TOP3A: variants seen among roughly 807,000 people sequenced by gnomAD.
TOP3A encodes DNA topoisomerase 3-alpha.
TOP3A carries 64 observed loss-of-function variants against 111.3 expected under a neutral mutation model. The observed-to-expected ratio is 0.57, with a 90% CI of 0.47 to 0.71. The LOEUF (loss-of-function observed/expected upper bound fraction) is 0.71. TOP3A is among the 30% of genes least tolerant of loss of function. TOP3A has a pLI of 0.00. For synonymous variants in TOP3A, 484 were observed against 485.1 expected (o/e 1.00, Z 0.03); for missense variants, 1,104 against 1,285.0 (o/e 0.86, Z 2.15).
intron 1 of TOP3A, 121 bp from the exon 2 acceptor site, chr17:18,309,062 C>A (rs1981755464): frequency 1.9e-6 from 1 of 516,480 alleles, no homozygotes; most frequent in Non-Finnish European, 3.3e-6. Flanking sequence ...AAAATATAAC[C>A]AACATTGCTC....
intron 15 of TOP3A, among the ~76,000 whole-genome samples, chr17:18,283,763 T>C (rs781087318): frequency 6.6e-6 from 1 of 152,066 alleles, no homozygotes; most frequent in Non-Finnish European, 1.5e-5. Flanking sequence ...TAAACTGGGG[T>C]TCCTCAGACC....
chr17:18,309,945 C>T (rs978336777), intron 1 of TOP3A, among the ~76,000 whole-genome samples: 17 of 151,384 alleles, frequency 1.1e-4, no homozygotes, highest in African/African-American at 3.4e-4. Context: ...CTCCTGACCT[C>T]GTGATCCACC....
intron 13 of TOP3A, among the ~76,000 whole-genome samples, chr17:18,286,273 G>A (rs1475424024): frequency 6.6e-6 from 1 of 150,970 alleles, no homozygotes. Context: ...GGAAGCCGAA[G>A]CGGGCAGATC....
At chr17:18,284,991 T>C (rs75290744) in intron 15 of TOP3A, 151 bp downstream of exon 15, 1 of 877,280 alleles carries the variant, frequency 1.1e-6, no homozygotes, top group Non-Finnish European at 1.7e-6. Context: ...TCTGGCAGGG[T>C]TATAAACTCT....
rs768630655 is a variant in TOP3A at position 18,277,905 on chromosome 17, G to A, written c.2597C>T (p.Pro866Leu). Residue 866 changes from proline (P) to leucine (L), a missense_variant, in exon 18 of 19, where the codon CCC (proline) becomes CTC (leucine). Coordinates refer to ENST00000321105, the MANE Select transcript of TOP3A (RefSeq NM_004618.5). ...TGGGCATCCCAGGGAGGCGCCCAGG[G>A]GTCTATATGCCAAGGCAGGAGGCCC... Reference protein sequence around the residue: ...AGGPPALAYRPLGASLGCPPG... With the variant: ...AGGPPALAYRLLGASLGCPPG... 1.4e-5 allele frequency: 22 copies of A among 1,613,838 alleles called. No individual in the cohort carries two copies. The Admixed American group carries it at 2.2e-4, about 16-fold the overall frequency.
Position 18,290,871 on chromosome 17 carries a change from C to T in TOP3A, c.1438G>A (p.Val480Met), listed in dbSNP as rs751913058. The change falls in exon 12 of 19, where the codon GTG becomes ATG. Residue 480 changes from valine to methionine, a missense_variant. Transcript: ENST00000321105. ...LMILARNYLDVYPYDHWSDKI... is the reference protein window; with the variant it reads ...LMILARNYLDMYPYDHWSDKI... ...TCACTCCAGTGATCATATGGATACA[C>T]ATCCAGATAGTTTCGGGCCAGAATC... 7 of 1,614,108 alleles carry T rather than the reference C, an allele frequency of 4.3e-6. No individual in the cohort carries two copies. The highest frequency in any genetic ancestry group is 4.5e-5 in the East Asian group (2 of 44,906).
intron 13 of TOP3A, among the ~76,000 whole-genome samples, chr17:18,288,221 T>C (rs1043578299): frequency 1.3e-5 from 2 of 148,488 alleles, no homozygotes; most frequent in African/African-American, 4.9e-5. Context: ...GGCACAATCT[T>C]GGCTCACTGC....
At chr17:18,311,076 C>G (rs1364548634) in intron 1 of TOP3A, among the ~76,000 whole-genome samples, 4 of 151,614 alleles carry the variant, frequency 2.6e-5, no homozygotes, top group Non-Finnish European at 5.9e-5. Flanking sequence ...TCTCGGCTCA[C>G]TGCAAGCTCC....
At chr17:18,291,983 A>T (rs1234231671) in intron 11 of TOP3A, among the ~76,000 whole-genome samples, 1 of 152,162 alleles carries the variant, frequency 6.6e-6, no homozygotes, top group African/African-American at 2.4e-5. Flanking sequence ...CAGTGTTGGG[A>T]TTACAAGCAT....
chr17:18,291,117 C>T, intron 11 of TOP3A, 90 bp from the exon 12 acceptor site: 1 of 1,346,794 alleles, frequency 7.4e-7, no homozygotes, highest in Non-Finnish European at 1.0e-6. Context: ...TAATGTCCTG[C>T]ACAGAAGAGG....
chr17:18,300,001 C>T (rs1981126046), intron 8 of TOP3A, among the ~76,000 whole-genome samples: 1 of 152,152 alleles, frequency 6.6e-6, no homozygotes, highest in Non-Finnish European at 1.5e-5. Flanking sequence ...TGCTATGTTG[C>T]CCAGGCTGGC....
chr17:18,283,238 G>C (rs1337956863), intron 15 of TOP3A, among the ~76,000 whole-genome samples: 1 of 152,068 alleles, frequency 6.6e-6, no homozygotes, highest in African/African-American at 2.4e-5. Context: ...GCATGGTGGC[G>C]CATGCCTGTA....
At chr17:18,298,611 A>AG (rs1361149652) in intron 9 of TOP3A, among the ~76,000 whole-genome samples, 1 of 151,738 alleles carries the variant, frequency 6.6e-6, no homozygotes, top group Non-Finnish European at 1.5e-5. Flanking sequence ...TGGAATAGAA[A>AG]GGGGGGAAGG....
intron 13 of TOP3A, among the ~76,000 whole-genome samples, chr17:18,287,913 G>C (rs566093113): frequency 6.6e-6 from 1 of 150,402 alleles, no homozygotes; most frequent in Non-Finnish European, 1.5e-5. Context: ...CAGGAGAATC[G>C]CTTGAACCTG....
rs559291761 is a variant in TOP3A, at chr17:18,296,457, A to G, written c.991-1672T>C. ...TAGCTGGGTGTGGTGGCGCGCACCT[A>G]TAGTCCCAGCTACTCAGGAGGCTGA... On this transcript the variant is annotated intron_variant, in intron 9 of 18. Coordinates refer to ENST00000321105, the MANE Select transcript of TOP3A (RefSeq NM_004618.5). Among the ~76,000 whole-genome samples the G allele has an allele frequency of 4.6e-5, 7 of 152,062 alleles. No homozygotes were observed. In the East Asian group the frequency reaches 9.7e-4, roughly 21 times the overall value.
intron 1 of TOP3A, among the ~76,000 whole-genome samples, chr17:18,310,418 A>G (rs550794136): frequency 6.6e-6 from 1 of 151,972 alleles, no homozygotes; most frequent in South Asian, 2.1e-4. Flanking sequence ...AGTGAGAGAG[A>G]CTCCTTCTCA....
chr17:18,294,478 C>A (rs1377682515), intron 10 of TOP3A, among the ~76,000 whole-genome samples: 1 of 151,890 alleles, frequency 6.6e-6, no homozygotes, highest in Non-Finnish European at 1.5e-5. Context: ...TACAGGCGCA[C>A]GCCACCACGT....
At chr17:18,285,642 G>A in intron 13 of TOP3A, 122 bp from the exon 14 acceptor site, 2 of 712,980 alleles carry the variant, frequency 2.8e-6, no homozygotes, top group Non-Finnish European at 4.7e-6. Context: ...CAGGTAAGAT[G>A]CCTTCATTTC....
At chr17:18,280,453 C>T in intron 17 of TOP3A, 83 bp downstream of exon 17, 1 of 1,510,508 alleles carries the variant, frequency 6.6e-7, no homozygotes, top group Non-Finnish European at 9.0e-7. Flanking sequence ...ATCCCCGACA[C>T]TCCTCTCTGG....
Sources: allele counts gnomAD v4.1 joint callset (sites outside exome capture counted in the v4.1 genomes callset), GRCh38; gene constraint gnomAD v4.1.1; transcripts MANE v1.5; gene names NCBI Gene and HGNC (gene_info 2026-07-23, HGNC 2026-07-21).